OTUD7B: variants seen among roughly 807,000 people sequenced by gnomAD.
OTUD7B encodes OTU deubiquitinase 7B, also known as OTU domain-containing protein 7B.
OTUD7B carries 34 observed loss-of-function variants against 82.2 expected under a neutral mutation model. The ratio of observed to expected loss-of-function variants is 0.41; its 90% confidence interval spans 0.31 to 0.55. The LOEUF (loss-of-function observed/expected upper bound fraction) is 0.55. Among genes scored for constraint, OTUD7B ranks in the 20% least tolerant of loss-of-function variants. OTUD7B has a pLI of 0.20. For synonymous variants in OTUD7B, 398 were observed against 402.7 expected (o/e 0.99, Z 0.14); for missense variants, 944 against 1,062.1 (o/e 0.89, Z 1.55).
intron 1 of OTUD7B, among the ~76,000 whole-genome samples, chr1:149,980,415 C>T (rs891349278): frequency 1.3e-5 from 2 of 151,934 alleles, no homozygotes; most frequent in African/African-American, 4.8e-5. Context: ...AGATATCAAA[C>T]CAATGATTAA....
chr1:149,945,817 T>C (rs1468215622), intron 11 of OTUD7B, among the ~76,000 whole-genome samples: 1 of 152,008 alleles, frequency 6.6e-6, no homozygotes, highest in African/African-American at 2.4e-5. Flanking sequence ...TCCCAGCACT[T>C]TGGGAGGCCG....
the OTUD7B span, among the ~76,000 whole-genome samples, chr1:150,036,045 C>T: frequency 4.6e-5 from 7 of 151,040 alleles, no homozygotes; most frequent in Non-Finnish European, 8.8e-5. Flanking sequence ...CTCCCCTTCC[C>T]GGGCTCAAGC....
chr1:149,951,451 C>A (rs1431756469), intron 7 of OTUD7B, among the ~76,000 whole-genome samples: 1 of 152,138 alleles, frequency 6.6e-6, no homozygotes, highest in Admixed American at 6.6e-5. Flanking sequence ...CTTTAGTCTA[C>A]CACACTGTTC....
intron 1 of OTUD7B, among the ~76,000 whole-genome samples, chr1:149,979,095 T>C (rs1284498222): frequency 1.3e-5 from 2 of 151,612 alleles, no homozygotes; most frequent in Non-Finnish European, 2.9e-5. Flanking sequence ...AAGAGATCCA[T>C]GAGCGCAGGG....
At chr1:150,007,261 C>T (rs1294325621) in intron 1 of OTUD7B, among the ~76,000 whole-genome samples, 13 of 152,176 alleles carry the variant, frequency 8.5e-5, no homozygotes, top group African/African-American at 2.9e-4. Flanking sequence ...AAGAAGTTAA[C>T]TTGTCCAAGG....
the OTUD7B span, among the ~76,000 whole-genome samples, chr1:150,028,523 C>T: frequency 6.6e-6 from 1 of 152,120 alleles, no homozygotes; most frequent in African/African-American, 2.4e-5. Flanking sequence ...GTTGTGCAAT[C>T]ATGACCACCA....
the OTUD7B span, among the ~76,000 whole-genome samples, chr1:150,029,663 C>G: frequency 6.6e-6 from 1 of 152,176 alleles, no homozygotes; most frequent in African/African-American, 2.4e-5. Context: ...CCAGGACAAG[C>G]AATTTGGTGG....
intron 1 of OTUD7B, among the ~76,000 whole-genome samples, chr1:150,000,226 C>A (rs1457551572): frequency 6.6e-6 from 1 of 151,950 alleles, no homozygotes; most frequent in Non-Finnish European, 1.5e-5. Context: ...TGTAATCCAA[C>A]ACTTTGGGAG....
the OTUD7B span, among the ~76,000 whole-genome samples, chr1:150,036,784 T>G: frequency 6.6e-6 from 1 of 152,188 alleles, no homozygotes; most frequent in African/African-American, 2.4e-5. Context: ...TTGATTAAAA[T>G]CATTAGTTTT....
At chr1:149,978,033 C>A (rs587636797) in intron 1 of OTUD7B, among the ~76,000 whole-genome samples, 33 of 152,328 alleles carry the variant, frequency 2.2e-4, no homozygotes, top group Admixed American at 1.2e-3. Flanking sequence ...AAGCAGGAAA[C>A]TTGTATGTCT....
intron 1 of OTUD7B, among the ~76,000 whole-genome samples, chr1:150,008,866 T>C (rs1652833555): frequency 6.6e-6 from 1 of 152,230 alleles, no homozygotes; most frequent in African/African-American, 2.4e-5. Flanking sequence ...TTGCATTGAT[T>C]TGCAATCTCT....
chr1:150,015,290 C>CTTTTTTTTTTTTTT (rs60374988), upstream of OTUD7B, among the ~76,000 whole-genome samples: 2 of 128,974 alleles, frequency 1.6e-5, no homozygotes, highest in Non-Finnish European at 1.5e-5. Context: ...TTTTCTTTCT[C>CTTTTTTTTTTTTTT]TTTTTTTTTT....
At chr1:150,031,035 A>C in the OTUD7B span, among the ~76,000 whole-genome samples, 2 of 152,116 alleles carry the variant, frequency 1.3e-5, no homozygotes, top group Non-Finnish European at 1.5e-5. Context: ...TTGGCCTCTC[A>C]AAGTATTGGG....
chr1:150,023,252 T>C, the OTUD7B span, among the ~76,000 whole-genome samples: 4 of 152,246 alleles, frequency 2.6e-5, no homozygotes, highest in East Asian at 1.9e-4. Flanking sequence ...AAAATAAATA[T>C]AGAATTACCA....
chr1:149,953,891 T>C (rs1444201623), intron 7 of OTUD7B, among the ~76,000 whole-genome samples: 8 of 152,206 alleles, frequency 5.3e-5, no homozygotes, highest in Non-Finnish European at 1.2e-4. Context: ...TTTTTGCACA[T>C]TGATTTTGTA....
chr1:149,995,909 T>C (rs898300268), intron 1 of OTUD7B, among the ~76,000 whole-genome samples: 1 of 152,190 alleles, frequency 6.6e-6, no homozygotes, highest in African/African-American at 2.4e-5. Context: ...CAAAAGACAT[T>C]GGATCTTGGT....
intron 1 of OTUD7B, among the ~76,000 whole-genome samples, chr1:149,989,528 C>T (rs1422264986): frequency 6.9e-6 from 1 of 145,916 alleles, no homozygotes; most frequent in African/African-American, 2.5e-5. Flanking sequence ...CAGTGGCACA[C>T]ACCTGTAGTC....
intron 9 of OTUD7B, among the ~76,000 whole-genome samples, chr1:149,949,319 A>C (rs1214483491): frequency 3.9e-5 from 6 of 152,152 alleles, no homozygotes; most frequent in African/African-American, 7.2e-5. Context: ...AACTCTCATG[A>C]TGTTCTTTCC....
intron 2 of OTUD7B, among the ~76,000 whole-genome samples, chr1:149,973,564 G>A (rs890523509): frequency 6.7e-6 from 1 of 150,142 alleles, no homozygotes; most frequent in Admixed American, 6.7e-5. Flanking sequence ...CGGCTCACTG[G>A]AACGTTCTCC....
Sources: gnomAD v4.1 joint callset for allele counts (sites outside exome capture counted in the v4.1 genomes callset) on GRCh38, gnomAD v4.1.1 for gene constraint, MANE v1.5 for transcripts, NCBI Gene and HGNC (gene_info 2026-07-23, HGNC 2026-07-21) for gene names.